PCDHA4: variants seen among roughly 807,000 people sequenced by gnomAD.
The protein encoded by PCDHA4 is protocadherin alpha-4.
In PCDHA4, 49 loss-of-function variants were observed where a neutral mutation model predicts 61.4. That is an observed-to-expected ratio of 0.80 (90% confidence interval 0.63 to 1.01). The LOEUF is 1.01. Among genes scored for constraint, PCDHA4 ranks in the 50% least tolerant of loss-of-function variants. The probability of loss-of-function intolerance (pLI) is 0.00; values close to 1 mark genes in which losing one functional copy is unlikely to be tolerated. For missense variants in PCDHA4, 1,254 were observed against 1,235.8 expected (o/e 1.01, Z -0.22); for synonymous variants, 590 against 550.3 (o/e 1.07, Z -1.01).
chr5:140,914,619 T>G (rs1554196515), intron 1 of PCDHA4, among the ~76,000 whole-genome samples: 1 of 152,194 alleles, frequency 6.6e-6, no homozygotes, highest in African/African-American at 2.4e-5. Context: ...TTTTGTAATT[T>G]GTTTTCTCGT....
chr5:140,985,901 G>A (rs995663051), intron 3 of PCDHA4, among the ~76,000 whole-genome samples: 3 of 151,818 alleles, frequency 2.0e-5, no homozygotes, highest in Non-Finnish European at 2.9e-5. Flanking sequence ...CACCACTCCC[G>A]TCTAATTTTT....
At chr5:140,914,038 T>C (rs949307049) in intron 1 of PCDHA4, among the ~76,000 whole-genome samples, 14 of 152,206 alleles carry the variant, frequency 9.2e-5, no homozygotes, top group Non-Finnish European at 1.3e-4. Context: ...GAGAAGAATG[T>C]GTATTCTGCA....
chr5:140,877,632 G>A (rs2057247482), intron 1 of PCDHA4: 2 of 1,613,768 alleles, frequency 1.2e-6, no homozygotes, highest in East Asian at 4.5e-5. Context: ...TGTACACTGC[G>A]CTGCGTTGCT....
At chr5:140,845,856 G>A (rs1378548542) in intron 1 of PCDHA4, among the ~76,000 whole-genome samples, 1 of 149,684 alleles carries the variant, frequency 6.7e-6, no homozygotes, top group Non-Finnish European at 1.5e-5. Flanking sequence ...AGAAGTTAGT[G>A]ATTGCAGAAA....
At chr5:140,918,268 A>T (rs1554198508) in intron 1 of PCDHA4, among the ~76,000 whole-genome samples, 2 of 152,084 alleles carry the variant, frequency 1.3e-5, no homozygotes. Context: ...TGGAGGTTTT[A>T]TCAGATGTAG....
At chr5:140,972,001 A>G (rs2096512667) in intron 1 of PCDHA4, among the ~76,000 whole-genome samples, 1 of 152,202 alleles carries the variant, frequency 6.6e-6, no homozygotes, top group African/African-American at 2.4e-5. Context: ...CAATGTTTAT[A>G]TTCCCTTTTA....
intron 1 of PCDHA4, chr5:140,968,014 A>G: frequency 6.2e-7 from 1 of 1,614,194 alleles, no homozygotes; most frequent in Non-Finnish European, 8.5e-7. Flanking sequence ...ATGGCTTTGG[A>G]AACTCCTATA....
Position 140,850,649 on chromosome 5 carries a change from C to T in PCDHA4, c.2385+41077C>T, listed in dbSNP as rs1413606456. The T allele has an allele frequency of 2.5e-6, 4 of 1,598,500 alleles. 1 individual carries two copies. Among genetic ancestry groups the T allele is most frequent in the Non-Finnish European group, 2.6e-6 (3 of 1,167,902 alleles). ...TGTTGGTTCTCACGCTGCTGCTGTA[C>T]ACTGTGCTGCGGTGCTCGGCGATGC... On this transcript the variant is annotated intron_variant, in intron 1 of 3. Transcript: ENST00000530339.
intron 1 of PCDHA4, chr5:140,870,336 C>T (rs782392888): frequency 2.3e-5 from 37 of 1,614,034 alleles, no homozygotes; most frequent in Non-Finnish European, 2.9e-5. Flanking sequence ...TGGACAGCGC[C>T]CTGGACCGCG....
chr5:140,977,750 G>A (rs2096773664), intron 1 of PCDHA4, among the ~76,000 whole-genome samples: 1 of 152,142 alleles, frequency 6.6e-6, no homozygotes, highest in South Asian at 2.1e-4. Context: ...GAAGAAATGT[G>A]TTTATTAAAT....
intron 1 of PCDHA4, chr5:140,875,367 T>C (rs937879067): frequency 6.9e-7 from 1 of 1,449,048 alleles, no homozygotes; most frequent in Non-Finnish European, 9.1e-7. Context: ...CTGGAAAAAA[T>C]TTACTAAATA....
chr5:140,991,837 C>T (rs1379982421), intron 3 of PCDHA4, among the ~76,000 whole-genome samples: 3 of 152,158 alleles, frequency 2.0e-5, no homozygotes, highest in African/African-American at 7.2e-5. Context: ...ACGGCAGAAC[C>T]GCACTTCCAG....
At chr5:140,868,057 G>C (rs1243916361) in intron 1 of PCDHA4, 4 of 152,030 alleles carry the variant, frequency 2.6e-5, no homozygotes, top group African/African-American at 7.2e-5. Flanking sequence ...ATGGCACAAA[G>C]ATGTTCAGGG....
At chr5:141,000,513 C>G (rs1258002727) in intron 3 of PCDHA4, among the ~76,000 whole-genome samples, 2 of 143,802 alleles carry the variant, frequency 1.4e-5, no homozygotes, top group African/African-American at 5.2e-5. Context: ...CTGCAACCTC[C>G]TTCTCCAGGG....
At chr5:140,863,660 A>G (rs1439004370) in intron 1 of PCDHA4, 2 of 293,826 alleles carry the variant, frequency 6.8e-6, no homozygotes, top group Non-Finnish European at 1.3e-5. Flanking sequence ...TGATTGCTTT[A>G]TTTATTTTGC....
At chr5:140,887,524 G>A (rs2061480235) in intron 1 of PCDHA4, among the ~76,000 whole-genome samples, 2 of 152,090 alleles carry the variant, frequency 1.3e-5, no homozygotes, top group African/African-American at 4.8e-5. Flanking sequence ...TTATATATGA[G>A]TCTTCCTCTC....
At chr5:140,866,752 C>G (rs928654608) in intron 1 of PCDHA4, 1 of 152,140 alleles carries the variant, frequency 6.6e-6, no homozygotes, top group Non-Finnish European at 1.5e-5. Context: ...ATATGACTAA[C>G]AGGACATACA....
chr5:140,883,065 C>G, intron 1 of PCDHA4: 1 of 1,614,056 alleles, frequency 6.2e-7, no homozygotes, highest in Non-Finnish European at 8.5e-7. Context: ...AAGCTAAATG[C>G]CACAGATCCT....
chr5:140,943,603 G>A (rs1554215788), intron 1 of PCDHA4, among the ~76,000 whole-genome samples: 1 of 152,100 alleles, frequency 6.6e-6, no homozygotes, highest in African/African-American at 2.4e-5. Context: ...TCTAAATATA[G>A]ACTTTGATTC....
Sources: gnomAD v4.1 joint callset for allele counts (sites outside exome capture counted in the v4.1 genomes callset) on GRCh38, gnomAD v4.1.1 for gene constraint, MANE v1.5 for transcripts, NCBI Gene and HGNC (gene_info 2026-07-23, HGNC 2026-07-21) for gene names.